BICRA: variants seen among roughly 807,000 people sequenced by gnomAD.
The protein encoded by BICRA is BRD4 interacting chromatin remodeling complex associated protein, also known as BRD4-interacting chromatin-remodeling complex-associated protein.
Under a neutral mutation model 96.9 loss-of-function variants are expected in BICRA, and 31 were observed. The ratio of observed to expected loss-of-function variants is 0.32; its 90% CI spans 0.24 to 0.43. The LOEUF is 0.43. Among genes scored for constraint, BICRA ranks in the 20% least tolerant of loss-of-function variants. BICRA has a pLI of 1.00. For missense variants in BICRA, 2,283 were observed against 2,190.3 expected, an observed-to-expected ratio of 1.04 and a Z score of -0.84; for synonymous variants, 1,350 against 1,071.8, an observed-to-expected ratio of 1.26 and a Z score of -5.07.
chr19:47,609,477 A>AC (rs374581195), intron 1 of BICRA, among the ~76,000 whole-genome samples: 74,388 of 132,380 alleles, frequency 0.56, 22,553 homozygotes, highest in Non-Finnish European at 0.7. Context: ...TCCTATGGGG[A>AC]CCCCCCCCCA....
At position 47,702,372 on chromosome 19, in the gene BICRA, C is replaced by A; in HGVS notation, c.4640C>A (p.Ser1547Tyr). 6.6e-7 allele frequency: 1 copy of A among 1,523,728 alleles called. No individual in the cohort carries two copies. Among genetic ancestry groups the A allele is most frequent in the Non-Finnish European group, 8.7e-7 (1 of 1,147,174 alleles). The allele number at this position is 1,523,728 out of a possible 1,614,324, so 94.4% of individuals were successfully genotyped here. The change falls in exon 15 of 15, where the codon TCC becomes TAC. Residue 1547 changes from serine to tyrosine, a missense_variant. Physicochemically the swap from Ser to Tyr is moderately radical, Grantham distance 144 (BLOSUM62 -2). Transcript: ENST00000594866. ...CACAGGCCCGAGGCCTACCCACCCT[C>A]CAGTCACAACGGTGGCCTCGGCGCC... Reference protein sequence around the residue: ...PLHRPEAYPPSSHNGGLGART... With the variant: ...PLHRPEAYPPYSHNGGLGART...
At chr19:47,653,015 CTTT>C (rs869230602) in intron 1 of BICRA, among the ~76,000 whole-genome samples, 1 of 113,704 alleles carries the variant, frequency 8.8e-6, no homozygotes. Flanking sequence ...CGTCCTCATT[CTTT>C]TTTTTTTTTT....
chr19:47,691,013 C>T (rs1335310413), intron 7 of BICRA, among the ~76,000 whole-genome samples: 1 of 152,174 alleles, frequency 6.6e-6, no homozygotes, highest in African/African-American at 2.4e-5. Flanking sequence ...CAGCTTCAAA[C>T]AGCAAGTATT....
At chr19:47,689,174 G>A (rs1338302538) in intron 7 of BICRA, among the ~76,000 whole-genome samples, 1 of 151,778 alleles carries the variant, frequency 6.6e-6, no homozygotes, top group African/African-American at 2.4e-5. Flanking sequence ...GTAATATTTT[G>A]GTATGAAGTT....
At chr19:47,610,253 T>A (rs1971881834) in intron 1 of BICRA, among the ~76,000 whole-genome samples, 1 of 152,138 alleles carries the variant, frequency 6.6e-6, no homozygotes, top group South Asian at 2.1e-4. Flanking sequence ...TGGCTGCCCC[T>A]CGTCTGCTTC....
At chr19:47,617,244 G>GGATT (rs1408318258) in intron 1 of BICRA, among the ~76,000 whole-genome samples, 2 of 151,924 alleles carry the variant, frequency 1.3e-5, no homozygotes, top group East Asian at 3.9e-4. Flanking sequence ...CAAAGTCCTG[G>GGATT]GATTATAGGC....
rs189518043 is a variant in BICRA, at chr19:47,642,404, T to C, written c.-107-28039T>C. ...CAGATGATAAGGGTATGTTTAATTT[T>C]GTTAGAAACTGCCCACCTGGGCGCA... On this transcript the variant is annotated intron_variant, in intron 1 of 14. Coordinates refer to ENST00000594866, the MANE Select transcript of BICRA (RefSeq NM_001394372.1). Among the ~76,000 whole-genome samples, 31 of 152,310 alleles carry C rather than the reference T, an allele frequency of 2.0e-4. No individual in the cohort carries two copies. In the East Asian group the frequency reaches 5.4e-3, roughly 27 times the overall value.
At chr19:47,667,294 C>T (rs981748260) in intron 1 of BICRA, among the ~76,000 whole-genome samples, 4 of 152,206 alleles carry the variant, frequency 2.6e-5, no homozygotes, top group East Asian at 1.9e-4. Flanking sequence ...GGATTACAGG[C>T]GTGAGCCACA....
intron 1 of BICRA, among the ~76,000 whole-genome samples, chr19:47,659,712 A>ACC (rs1468752455): frequency 1.4e-5 from 2 of 147,942 alleles, no homozygotes; most frequent in Non-Finnish European, 3.0e-5. Context: ...ACACACACAC[A>ACC]CACACACACA....
chr19:47,695,648 C>A (rs144201914), intron 10 of BICRA, among the ~76,000 whole-genome samples, 174 bp downstream of exon 10: 7 of 152,144 alleles, frequency 4.6e-5, no homozygotes, highest in East Asian at 1.9e-4. Flanking sequence ...CAGAATGACA[C>A]CCAGACAGGC....
At chr19:47,613,041 G>C (rs1014965541) in intron 1 of BICRA, among the ~76,000 whole-genome samples, 1 of 152,102 alleles carries the variant, frequency 6.6e-6, no homozygotes, top group African/African-American at 2.4e-5. Flanking sequence ...TGATCTTTTT[G>C]GGGGGCTGGT....
intron 4 of BICRA, 137 bp downstream of exon 4, chr19:47,673,899 G>A: frequency 2.6e-6 from 2 of 765,720 alleles, no homozygotes; most frequent in Admixed American, 2.0e-5. Context: ...TGGAGTTACG[G>A]CCATGAGCAA....
intron 7 of BICRA, among the ~76,000 whole-genome samples, chr19:47,686,084 C>T (rs1329423516): frequency 2.0e-5 from 3 of 151,848 alleles, no homozygotes; most frequent in African/African-American, 7.2e-5. Context: ...GCGCACGCCA[C>T]CGCATCCAGC....
intron 1 of BICRA, among the ~76,000 whole-genome samples, chr19:47,611,782 G>T (rs1288262955): frequency 1.3e-5 from 2 of 152,110 alleles, no homozygotes; most frequent in Non-Finnish European, 2.9e-5. Context: ...GTGGGTAAAA[G>T]TATTATCCAA....
chr19:47,683,183 T>A (rs1413431783), intron 7 of BICRA, among the ~76,000 whole-genome samples: 1 of 152,158 alleles, frequency 6.6e-6, no homozygotes, highest in Non-Finnish European at 1.5e-5. Context: ...CATATGCATT[T>A]TTATCTCTGA....
chr19:47,680,926 G>A lies in BICRA; in HGVS notation c.1756G>A (p.Val586Ile), dbSNP rs766041511. The A allele has an allele frequency of 2.0e-6, 3 of 1,477,410 alleles. No individual in the cohort carries two copies. The highest frequency in any genetic ancestry group is 2.7e-6 in the Non-Finnish European group (3 of 1,126,258). 91.5% of individuals were successfully genotyped at this position (1,477,410 alleles called of 1,614,324 possible). A position where few individuals can be genotyped will look rare whatever the true frequency, so the allele number is the denominator to read the frequency against. ...GGCCGCCACCACTGTCCTCCAGGGG[G>A]TCACCCTGCCCCCCAGCGCCGTGGC... Reference protein sequence around the residue: ...GPAATTVLQGVTLPPSAVAML... With the variant: ...GPAATTVLQGITLPPSAVAML... The change falls in exon 6 of 15, where the codon GTC becomes ATC. Residue 586 changes from valine to isoleucine, a missense_variant. Val to Ile is a conservative substitution (Grantham distance 29). Coordinates refer to ENST00000594866, the MANE Select transcript of BICRA (RefSeq NM_001394372.1).
intron 1 of BICRA, among the ~76,000 whole-genome samples, chr19:47,647,839 G>C (rs914101136): frequency 6.6e-6 from 1 of 151,826 alleles, no homozygotes; most frequent in Non-Finnish European, 1.5e-5. Flanking sequence ...TCCTGTCCAC[G>C]ATGGGGGGTG....
At chr19:47,697,917 G>A (rs1395154631) in intron 11 of BICRA, among the ~76,000 whole-genome samples, 2 of 152,220 alleles carry the variant, frequency 1.3e-5, no homozygotes, top group African/African-American at 2.4e-5. Flanking sequence ...GTGTTGCCCA[G>A]GCTGGCCTTG....
intron 7 of BICRA, among the ~76,000 whole-genome samples, chr19:47,688,863 C>T (rs770591616): frequency 7.2e-5 from 11 of 152,058 alleles, no homozygotes; most frequent in Admixed American, 1.3e-4. Flanking sequence ...CTCTCTCTCT[C>T]TCGCCCGGGC....
Sources: gnomAD v4.1 joint callset for allele counts (sites outside exome capture counted in the v4.1 genomes callset) on GRCh38, gnomAD v4.1.1 for gene constraint, MANE v1.5 for transcripts, NCBI Gene and HGNC (gene_info 2026-07-23, HGNC 2026-07-21) for gene names.